The following SYCP1 variants were observed in gnomAD, a reference collection of about 807,000 sequenced individuals.
SYCP1 encodes synaptonemal complex protein 1.
In SYCP1, 64 loss-of-function variants were observed where a neutral mutation model predicts 153.1. The observed-to-expected ratio is 0.42, with a 90% CI of 0.34 to 0.51. SYCP1 has a LOEUF of 0.51. Among genes scored for constraint, SYCP1 ranks in the 20% least tolerant of loss-of-function variants. The probability of loss-of-function intolerance (pLI) is 0.06; values close to 1 mark genes in which losing one functional copy is unlikely to be tolerated. For missense variants in SYCP1, 997 were observed against 1,049.0 expected (o/e 0.95, Z 0.68); for synonymous variants, 384 against 341.8 (o/e 1.12, Z -1.36).
At chr1:114,875,670 C>T (rs967443293) in intron 9 of SYCP1, among the ~76,000 whole-genome samples, 1 of 152,028 alleles carries the variant, frequency 6.6e-6, no homozygotes, top group African/African-American at 2.4e-5. Context: ...TGTTGAATGC[C>T]GAATGAACAC....
At chr1:114,929,937 C>A (rs540855731) in intron 23 of SYCP1, among the ~76,000 whole-genome samples, 2 of 152,118 alleles carry the variant, frequency 1.3e-5, no homozygotes, top group African/African-American at 4.8e-5. Context: ...AGACTACATG[C>A]TGAGCCATAA....
At chr1:114,957,373 TG>T (rs1280889847) in intron 27 of SYCP1, among the ~76,000 whole-genome samples, 1 of 152,230 alleles carries the variant, frequency 6.6e-6, no homozygotes, top group Non-Finnish European at 1.5e-5. Context: ...TACAGGGCAT[TG>T]GTCCGGTCAA....
intron 30 of SYCP1, among the ~76,000 whole-genome samples, chr1:114,986,677 T>C (rs1385844971): frequency 6.6e-6 from 1 of 151,948 alleles, no homozygotes; most frequent in Non-Finnish European, 1.5e-5. Flanking sequence ...TTATAAAAAT[T>C]AAGATTTAAA....
chr1:114,966,985 T>C (rs1412615817), intron 27 of SYCP1, among the ~76,000 whole-genome samples: 2 of 152,146 alleles, frequency 1.3e-5, no homozygotes, highest in Non-Finnish European at 2.9e-5. Context: ...GCACTCGGCC[T>C]TGAGTGAGTT....
chr1:114,919,274 G>A (rs1668704474), intron 20 of SYCP1, among the ~76,000 whole-genome samples: 1 of 152,008 alleles, frequency 6.6e-6, no homozygotes, highest in African/African-American at 2.4e-5. Flanking sequence ...TATGGTTTTT[G>A]TCCTATAGCA....
At chr1:114,960,108 C>T (rs1256406763) in intron 27 of SYCP1, among the ~76,000 whole-genome samples, 1 of 149,768 alleles carries the variant, frequency 6.7e-6, no homozygotes, top group African/African-American at 2.5e-5. Flanking sequence ...ATATACCTAG[C>T]AGTGGGATGG....
intron 8 of SYCP1, among the ~76,000 whole-genome samples, chr1:114,861,322 AT>A (rs570368241): frequency 6.2e-4 from 94 of 152,220 alleles, no homozygotes; most frequent in African/African-American, 2.2e-3. Flanking sequence ...GCATGTTTTC[AT>A]TTTTTTAAAT....
intron 16 of SYCP1, among the ~76,000 whole-genome samples, chr1:114,903,180 A>T (rs1382926146): frequency 6.6e-6 from 1 of 152,166 alleles, no homozygotes; most frequent in Non-Finnish European, 1.5e-5. Flanking sequence ...CCCTGTCTGA[A>T]GAACAAAAAC....
chr1:114,966,067 C>G (rs746568725), intron 27 of SYCP1, among the ~76,000 whole-genome samples: 10 of 152,058 alleles, frequency 6.6e-5, no homozygotes, highest in Non-Finnish European at 1.0e-4. Context: ...CTGGTTTGGT[C>G]TTGGGAGGGT....
At chr1:114,881,541 T>TTCCTTCCTTCCTTCCTTCCTTCC (rs1557767728) in intron 12 of SYCP1, among the ~76,000 whole-genome samples, 21 of 151,614 alleles carry the variant, frequency 1.4e-4, no homozygotes, top group East Asian at 3.9e-4. Flanking sequence ...CCTTCCTTCC[T>TTCCTTCCTTCCTTCCTTCCTTCC]TTCTTGATGG....
At chr1:114,902,287 A>G (rs978410707) in intron 16 of SYCP1, among the ~76,000 whole-genome samples, 5 of 152,152 alleles carry the variant, frequency 3.3e-5, no homozygotes, top group African/African-American at 1.2e-4. Context: ...AAAGAGAAAA[A>G]GATGTTTTTT....
intron 29 of SYCP1, among the ~76,000 whole-genome samples, chr1:114,982,683 T>A (rs370473499): frequency 2.7e-3 from 409 of 152,110 alleles, no homozygotes; most frequent in South Asian, 0.025. Flanking sequence ...ATAGCTGACT[T>A]TAAATCTTTG....
At chr1:114,990,076 C>T (rs1243022341) in intron 30 of SYCP1, among the ~76,000 whole-genome samples, 1 of 151,804 alleles carries the variant, frequency 6.6e-6, no homozygotes, top group East Asian at 1.9e-4. Flanking sequence ...GAGACATTCC[C>T]CAGGATAGAT....
chr1:114,857,150 AAAAAAAAGAG>A, intron 3 of SYCP1, 72 bp from the exon 4 acceptor site: 2 of 941,734 alleles, frequency 2.1e-6, no homozygotes, highest in South Asian at 1.8e-5. Flanking sequence ...AAAAAAAAAA[AAAAAAAAGAG>A]AAAAAAGAAA....
At chr1:114,858,469 G>A in intron 5 of SYCP1, 78 bp from the exon 6 acceptor site, 2 of 1,236,166 alleles carry the variant, frequency 1.6e-6, no homozygotes, top group East Asian at 4.8e-5. Context: ...ATTAGTATAT[G>A]GATATTTTCA....
intron 23 of SYCP1, among the ~76,000 whole-genome samples, chr1:114,935,656 G>A (rs1408179158): frequency 2.0e-5 from 3 of 152,110 alleles, no homozygotes; most frequent in African/African-American, 7.2e-5. Flanking sequence ...CAGACTGCTA[G>A]CAAGACTAAT....
At chr1:114,967,324 T>A (rs1420027320) in intron 27 of SYCP1, among the ~76,000 whole-genome samples, 1 of 152,200 alleles carries the variant, frequency 6.6e-6, no homozygotes, top group Admixed American at 6.5e-5. Flanking sequence ...TCTTTGTAGG[T>A]CTCTTAAAAC....
At chr1:114,940,526 T>C (rs1325695896) in intron 23 of SYCP1, among the ~76,000 whole-genome samples, 1 of 152,180 alleles carries the variant, frequency 6.6e-6, no homozygotes, top group Admixed American at 6.5e-5. Context: ...TAAATTAGTA[T>C]TGTTTAGCCC....
At chr1:114,855,192 G>A (rs1663850284) in intron 1 of SYCP1, 174 bp downstream of exon 1, 1 of 209,598 alleles carries the variant, frequency 4.8e-6, no homozygotes, top group East Asian at 1.1e-4. Context: ...CAGGAGAAGG[G>A]AACGGGCTTT....
Sources: gnomAD v4.1 joint callset for allele counts (sites outside exome capture counted in the v4.1 genomes callset) on GRCh38, gnomAD v4.1.1 for gene constraint, MANE v1.5 for transcripts, NCBI Gene and HGNC (gene_info 2026-07-23, HGNC 2026-07-21) for gene names.